KIF13A: variants seen among roughly 807,000 people sequenced by gnomAD.
KIF13A encodes the protein kinesin family member 13A.
A neutral mutation model predicts 212.2 loss-of-function variants in KIF13A; 79 were observed. That is an observed-to-expected ratio of 0.37 (90% CI 0.31 to 0.45). The LOEUF is 0.45. Ranked by LOEUF, KIF13A falls within the 20% of genes least tolerant of loss-of-function variation. KIF13A has a pLI of 1.00. For synonymous variants in KIF13A, 789 were observed against 808.6 expected, an observed-to-expected ratio of 0.98 and a Z score of 0.41; for missense variants, 1,901 against 2,209.0, an observed-to-expected ratio of 0.86 and a Z score of 2.79.
At chr6:17,864,454 C>T (rs1769160077) in intron 4 of KIF13A, among the ~76,000 whole-genome samples, 1 of 152,138 alleles carries the variant, frequency 6.6e-6, no homozygotes, top group African/African-American at 2.4e-5. Flanking sequence ...AGTCACAGAC[C>T]TGAGTCACCC....
In KIF13A at chr6:17,871,161, T is replaced by C. The variant is rs1050289806; in HGVS notation, c.220+2216A>G. On this transcript the variant is annotated intron_variant, in intron 4 of 38. Coordinates refer to ENST00000259711, the MANE Select transcript of KIF13A (RefSeq NM_022113.6). This position sits in a 1 kb window ranked among gnomAD's most constrained non-coding sequence, Gnocchi z 4.4. Reference sequence around the variant, plus strand: ...CATATGTTGACAAGTAATAATCATATATATTTATGGTATACAACATGATGT... The same window carrying C: ...CATATGTTGACAAGTAATAATCATACATATTTATGGTATACAACATGATGT... Among the ~76,000 whole-genome samples, 4 of 152,168 alleles carry C rather than the reference T, an allele frequency of 2.6e-5. No homozygotes were observed. The highest frequency in any genetic ancestry group is 1.3e-4 in the Admixed American group (2 of 15,280).
intron 2 of KIF13A, among the ~76,000 whole-genome samples, chr6:17,983,482 T>TTGCTGC (rs60982346): frequency 1.4e-5 from 2 of 140,918 alleles, no homozygotes; most frequent in African/African-American, 5.4e-5. Context: ...CAAAACTGTC[T>TTGCTGC]TGCTGCTGCT....
Position 17,771,050 on chromosome 6 carries a change from TTGTC to T in KIF13A, c.4581+60_4581+63del. The T allele has an allele frequency of 2.0e-6, 2 of 1,011,640 alleles. No individual in the cohort carries two copies. The highest frequency in any genetic ancestry group is 3.1e-6 in the Non-Finnish European group (2 of 655,590). 62.7% of individuals were successfully genotyped at this position (1,011,640 alleles called of 1,614,324 possible). ...TTAATTTCTTCTAGCATTTGGATGA[TTGTC>T]TGTGAAAGGGCCTTAAACCCACCAC... On this transcript the variant is annotated intron_variant, in intron 38 of 38. Transcript: ENST00000259711. This position sits in a 1 kb window ranked among gnomAD's most constrained non-coding sequence, Gnocchi z 5.4.
At position 17,838,356 on chromosome 6, in the gene KIF13A, C is replaced by T. The variant is rs763528641; in HGVS notation, c.831-773G>A. Among the ~76,000 whole-genome samples, 5 of 151,412 alleles carry T rather than the reference C, an allele frequency of 3.3e-5. No homozygotes were observed. Among genetic ancestry groups the T allele is most frequent in the Non-Finnish European group, 7.4e-5 (5 of 67,864 alleles). Reference sequence around the variant, plus strand: ...AAAAGTTAAATGCTACTACAAATAACAAAGAAGGACACAAACTAGCAAGTG... The same window carrying T: ...AAAAGTTAAATGCTACTACAAATAATAAAGAAGGACACAAACTAGCAAGTG... On this transcript the variant is annotated intron_variant, in intron 9 of 38. Coordinates refer to ENST00000259711, the MANE Select transcript of KIF13A (RefSeq NM_022113.6). The surrounding 1 kb of genome is among the most constrained non-coding windows in gnomAD (Gnocchi z 4.2).
chr6:17,985,203 C>T (rs1226824118), intron 2 of KIF13A, among the ~76,000 whole-genome samples: 1 of 152,106 alleles, frequency 6.6e-6, no homozygotes, highest in East Asian at 1.9e-4. Flanking sequence ...CACGAGAGTA[C>T]CCATATTTCA....
At position 17,849,355 on chromosome 6, in the gene KIF13A, G is replaced by A; in HGVS notation, c.830+22C>T. 1 of 1,552,930 alleles carries A rather than the reference G, an allele frequency of 6.4e-7. No homozygotes were observed. Among genetic ancestry groups the A allele is most frequent in the African/African-American group, 1.4e-5 (1 of 73,854 alleles). On this transcript the variant is annotated intron_variant, in intron 9 of 38. Transcript: ENST00000259711. This position sits in a 1 kb window ranked among gnomAD's most constrained non-coding sequence, Gnocchi z 5.7. Reference sequence around the variant, plus strand: ...CCTCCAGAAGGAAATCACCCAGGCTGTTCTGGGACCAGCCACCTTACTTGT... The same window carrying A: ...CCTCCAGAAGGAAATCACCCAGGCTATTCTGGGACCAGCCACCTTACTTGT...
At position 17,975,977 on chromosome 6, in the gene KIF13A, C is replaced by A. The variant is rs181056594; in HGVS notation, c.146+11077G>T. ...TAGCTAGATACAGTGTCGATTGGTG[C>A]ATTCACAAACCCTGAGCTAGACACA... is the stretch of plus-strand genomic sequence containing the variant. On this transcript the variant is annotated intron_variant, in intron 2 of 38. Coordinates refer to ENST00000259711, the MANE Select transcript of KIF13A (RefSeq NM_022113.6). Among the ~76,000 whole-genome samples the A allele has an allele frequency of 2.2e-3, 331 of 152,238 alleles. 1 individual carries two copies. The highest frequency in any genetic ancestry group is 6.8e-3 in the Middle Eastern group (2 of 294).
chr6:17,780,250 C>A, intron 31 of KIF13A, among the ~76,000 whole-genome samples: 1 of 152,356 alleles, frequency 6.6e-6, no homozygotes, highest in East Asian at 1.9e-4. Flanking sequence ...TCTCTCCCAT[C>A]TGCTGCCTTC....
chr6:17,817,030 C>G lies in KIF13A; in HGVS notation c.1990G>C (p.Ala664Pro), dbSNP rs757023213. The change falls in exon 17 of 39, where the codon GCA becomes CCA. Residue 664 changes from alanine to proline, a missense_variant. Physicochemically the swap from Ala to Pro is conservative, Grantham distance 27. This residue lies in a region of KIF13A where 534 missense variants were observed against 536.9 expected (regional missense o/e 0.99). Coordinates refer to ENST00000259711, the MANE Select transcript of KIF13A (RefSeq NM_022113.6). Reference protein sequence around the residue: ...QTAQQKVTQWAEERDELFRQS... With the variant: ...QTAQQKVTQWPEERDELFRQS... ...CGCTGCAGTTCTTACCTCTCTTCTG[C>G]CCACTGGGTCACCTTCTGCTGCGCT... 1 of 1,610,982 alleles carries G rather than the reference C, an allele frequency of 6.2e-7. No individual in the cohort carries two copies. Among genetic ancestry groups the G allele is most frequent in the South Asian group, 1.1e-5 (1 of 90,820 alleles).
chr6:17,986,427 T>G (rs1781555142), intron 2 of KIF13A, among the ~76,000 whole-genome samples: 1 of 152,194 alleles, frequency 6.6e-6, no homozygotes, highest in African/African-American at 2.4e-5. Context: ...TTTTTAAACA[T>G]CCCTCAGTGT....
At chr6:17,944,477 A>G (rs1473161700) in intron 2 of KIF13A, among the ~76,000 whole-genome samples, 2 of 152,196 alleles carry the variant, frequency 1.3e-5, no homozygotes, top group Non-Finnish European at 2.9e-5. Flanking sequence ...CAATTGTGAC[A>G]GCTTATCAAG....
At chr6:17,842,636 G>C (rs1204317967) in intron 9 of KIF13A, among the ~76,000 whole-genome samples, 2 of 152,096 alleles carry the variant, frequency 1.3e-5, no homozygotes, top group African/African-American at 4.8e-5. Flanking sequence ...CTTAGGCAGG[G>C]GTGGGAGGGC....
chr6:17,777,240 G>A lies in KIF13A; in HGVS notation c.4170+37C>T. The A allele has an allele frequency of 1.3e-6, 2 of 1,539,924 alleles. No homozygotes were observed. Among genetic ancestry groups the A allele is most frequent in the Non-Finnish European group, 1.8e-6 (2 of 1,119,834 alleles). ...TCCCCCACCCCAGAGGCTGCGACAT[G>A]TCACATAGGAGCAGATCCTTGGCAG... On this transcript the variant is annotated intron_variant, in intron 34 of 38. Transcript: ENST00000259711. The surrounding 1 kb of genome is among the most constrained non-coding windows in gnomAD (Gnocchi z 4.4).
At chr6:17,805,754 C>A (rs528606725) in intron 18 of KIF13A, 139 bp from the exon 19 acceptor site, 1 of 728,012 alleles carries the variant, frequency 1.4e-6, no homozygotes, top group African/African-American at 1.8e-5. Context: ...CTACCACCTA[C>A]GAGGATAGTC....
intron 30 of KIF13A, 66 bp from the exon 31 acceptor site, chr6:17,780,972 A>G (rs1167943402): frequency 1.4e-6 from 2 of 1,464,778 alleles, no homozygotes; most frequent in African/African-American, 1.4e-5. Flanking sequence ...GTTTTACAGG[A>G]CATACAAGAG....
intron 4 of KIF13A, among the ~76,000 whole-genome samples, chr6:17,857,171 CTTA>C (rs1768221467): frequency 6.6e-6 from 1 of 152,112 alleles, no homozygotes; most frequent in Admixed American, 6.5e-5. Flanking sequence ...TTAGGAGTCT[CTTA>C]TTATACTATG....
Position 17,787,867 on chromosome 6 carries a change from G to C in KIF13A, c.3270C>G (p.Asp1090Glu). 6 of 1,600,716 alleles carry C rather than the reference G, an allele frequency of 3.7e-6. No homozygotes were observed. Among genetic ancestry groups the C allele is most frequent in the Non-Finnish European group, 4.3e-6 (5 of 1,167,850 alleles). The change falls in exon 27 of 39, where the codon GAC (aspartate) becomes GAG (glutamate). Residue 1090 changes from aspartate to glutamate, a missense_variant. Coordinates refer to ENST00000259711, the MANE Select transcript of KIF13A (RefSeq NM_022113.6). The surrounding 1 kb of genome is among the most constrained non-coding windows in gnomAD (Gnocchi z 4.6). ...GDDMDSYQEE[D>E]LNCVRERWSD... ...ACCACCTCTCCCTTACGCAGTTTAA[G>C]TCTTCTTCCTAACATCAGGGAGGGA... is the stretch of plus-strand genomic sequence containing the variant.
At chr6:17,977,283 G>A (rs886960653) in intron 2 of KIF13A, among the ~76,000 whole-genome samples, 1 of 151,992 alleles carries the variant, frequency 6.6e-6, no homozygotes, top group Non-Finnish European at 1.5e-5. Flanking sequence ...TTACCATGTC[G>A]TCTCTCATAC....
At chr6:17,960,283 C>G (rs1438476163) in intron 2 of KIF13A, among the ~76,000 whole-genome samples, 1 of 151,982 alleles carries the variant, frequency 6.6e-6, no homozygotes, top group Non-Finnish European at 1.5e-5. Context: ...AAAAAGAGAG[C>G]GAGTATAAAA....
Sources: gnomAD v4.1 joint callset for allele counts (sites outside exome capture counted in the v4.1 genomes callset) on GRCh38, gnomAD v4.1.1 for gene constraint, gnomAD v4.1.1 regional missense constraint, Gnocchi (gnomAD v3.1) non-coding constraint, MANE v1.5 for transcripts, NCBI Gene and HGNC (gene_info 2026-07-23, HGNC 2026-07-21) for gene names.